The following OTOGL variants were observed in gnomAD, a reference collection of about 807,000 sequenced individuals.
OTOGL encodes otogelin-like protein.
OTOGL carries 285 observed loss-of-function variants against 318.5 expected under a neutral mutation model. The ratio of observed to expected loss-of-function variants is 0.89; its 90% CI spans 0.81 to 0.99. The LOEUF (loss-of-function observed/expected upper bound fraction) is 0.99, where lower values mean the gene tolerates loss of function less well. Ranked by LOEUF, OTOGL falls within the 50% of genes least tolerant of loss-of-function variation. The pLI, the probability that OTOGL is intolerant of heterozygous loss-of-function variation, is 0.00. For synonymous variants in OTOGL, 987 were observed against 936.5 expected, an observed-to-expected ratio of 1.05 and a Z score of -0.99; for missense variants, 2,899 against 2,845.6, an observed-to-expected ratio of 1.02 and a Z score of -0.43.
chr12:80,184,453 A>C (rs1875145654), intron 1 of OTOGL, among the ~76,000 whole-genome samples: 1 of 152,190 alleles, frequency 6.6e-6, no homozygotes, highest in South Asian at 2.1e-4. Context: ...CATACTGAGA[A>C]GGTTTTACGT....
chr12:80,256,858 G>A (rs1369969974), intron 17 of OTOGL, among the ~76,000 whole-genome samples: 2 of 152,088 alleles, frequency 1.3e-5, no homozygotes, highest in Non-Finnish European at 2.9e-5. Flanking sequence ...GTCTCATTGA[G>A]CATTTAAGGA....
chr12:80,362,551 T>A (rs1890300145), intron 52 of OTOGL, among the ~76,000 whole-genome samples: 1 of 152,188 alleles, frequency 6.6e-6, no homozygotes, highest in Admixed American at 6.5e-5. Flanking sequence ...TTGCATTGAA[T>A]CTGTAGAGCA....
At chr12:80,335,613 T>C (rs189784778) in intron 38 of OTOGL, among the ~76,000 whole-genome samples, 1 of 152,242 alleles carries the variant, frequency 6.6e-6, no homozygotes, top group African/African-American at 2.4e-5. Flanking sequence ...TGAAGTTATA[T>C]TGATATACTA....
intron 15 of OTOGL, 96 bp downstream of exon 15, chr12:80,254,666 C>T (rs1484800396): frequency 1.0e-6 from 1 of 965,836 alleles, no homozygotes; most frequent in Non-Finnish European, 1.5e-6. Context: ...CTCATATATA[C>T]CAAGGGCTAC....
intron 30 of OTOGL, among the ~76,000 whole-genome samples, chr12:80,311,702 C>T (rs779147073): frequency 6.6e-5 from 10 of 152,102 alleles, no homozygotes; most frequent in South Asian, 2.1e-4. Context: ...CCACTGCGCC[C>T]GGCAGATATT....
Position 80,106,555 on chromosome 12 carries a change from C to T in OTOGL, c.-20+6950C>T, listed in dbSNP as rs114707257. On this transcript the variant is annotated intron_variant, in intron 1 of 58. Coordinates refer to ENST00000547103, the MANE Select transcript of OTOGL (RefSeq NM_001378609.3). ...AACTGATTATTAGATTTTCAGGCAA[C>T]TGGCACATATTATAACAGGAGTTGA... is the stretch of plus-strand genomic sequence containing the variant. Among the ~76,000 whole-genome samples the T allele has an allele frequency of 6.8e-3, 1,032 of 152,242 alleles. 19 individuals are homozygous for T. The highest frequency in any genetic ancestry group is 0.024 in the African/African-American group (992 of 41,522).
chr12:80,146,636 T>C (rs367761813), intron 1 of OTOGL, among the ~76,000 whole-genome samples: 3 of 151,948 alleles, frequency 2.0e-5, no homozygotes, highest in South Asian at 2.1e-4. Context: ...AGGAATGGTA[T>C]CAGTTCCTCC....
chr12:80,269,121 C>T (rs1883218761), intron 22 of OTOGL, among the ~76,000 whole-genome samples: 1 of 152,036 alleles, frequency 6.6e-6, no homozygotes, highest in South Asian at 2.1e-4. Flanking sequence ...AGTGGTGAAT[C>T]ACACCTCTGA....
At chr12:80,253,328 TC>T (rs1881738209) in intron 13 of OTOGL, 137 bp from the exon 14 acceptor site, 1 of 715,716 alleles carries the variant, frequency 1.4e-6, no homozygotes. Context: ...TTGTCAGTAA[TC>T]CCACTGAAAG....
At chr12:80,266,259 G>T (rs1447470887) in intron 20 of OTOGL, among the ~76,000 whole-genome samples, 192 bp from the exon 21 acceptor site, 4 of 152,158 alleles carry the variant, frequency 2.6e-5, no homozygotes, top group Admixed American at 2.6e-4. Flanking sequence ...TGCAGAAAAA[G>T]GTTTCCAACC....
Position 80,123,133 on chromosome 12 carries a change from A to G in OTOGL, c.-20+23528A>G, listed in dbSNP as rs1399638849. 2.0e-5 allele frequency among the ~76,000 whole-genome samples: 3 copies of G among 152,000 alleles called. No individual in the cohort carries two copies. The East Asian group carries it at 5.8e-4, about 29-fold the overall frequency. ...TGTGCCATGCTGGTGTGCTGCACCC[A>G]ATAACTCATCATTTAACATTAGGTA... On this transcript the variant is annotated intron_variant, in intron 1 of 58. Transcript: ENST00000547103.
rs796256373 is a variant in OTOGL, at chr12:80,108,936, G to A, written c.-20+9331G>A. On this transcript the variant is annotated intron_variant, in intron 1 of 58. Transcript: ENST00000547103. The stretch of plus-strand genomic sequence containing the variant: ...TATATGTGTATATATATATGTGTGT[G>A]TATATATATATATATATACACACAC... 1.2e-3 allele frequency among the ~76,000 whole-genome samples: 156 copies of A among 128,212 alleles called. 4 individuals are homozygous for A. The highest frequency in any genetic ancestry group is 4.0e-3 in the Middle Eastern group (1 of 248). The allele number at this position is 128,212 out of a possible 152,430, so 84.1% of individuals were successfully genotyped here.
chr12:80,203,941 C>T (rs910319449), intron 1 of OTOGL, among the ~76,000 whole-genome samples: 2 of 152,186 alleles, frequency 1.3e-5, no homozygotes, highest in African/African-American at 2.4e-5. Flanking sequence ...GTTTAAGAAT[C>T]ACCTCTGCAT....
chr12:80,363,178 T>C (rs1362104589), intron 52 of OTOGL, among the ~76,000 whole-genome samples: 1 of 152,178 alleles, frequency 6.6e-6, no homozygotes, highest in Non-Finnish European at 1.5e-5. Flanking sequence ...ATTATTTTCA[T>C]TTATTTCTTC....
At chr12:80,364,995 C>CA (rs1021669148) in intron 52 of OTOGL, among the ~76,000 whole-genome samples, 10 of 152,030 alleles carry the variant, frequency 6.6e-5, no homozygotes, top group African/African-American at 7.2e-5. Context: ...ACTAAAAAGA[C>CA]AAAAAATAAC....
At chr12:80,228,394 A>G (rs376868825) in intron 7 of OTOGL, among the ~76,000 whole-genome samples, 1 of 152,174 alleles carries the variant, frequency 6.6e-6, no homozygotes, top group East Asian at 1.9e-4. Context: ...GGGAGCTGCA[A>G]TCACACCACT....
chr12:80,358,364 A>G lies in OTOGL; in HGVS notation c.6121+15A>G, dbSNP rs780994494. Reference sequence around the variant, plus strand: ...GTATTACTGTGGTAAGTGTATATTAACTATTCTAAAATATTTAGATGTGTC... The same window carrying G: ...GTATTACTGTGGTAAGTGTATATTAGCTATTCTAAAATATTTAGATGTGTC... On this transcript the variant is annotated intron_variant, in intron 50 of 58. Coordinates refer to ENST00000547103, the MANE Select transcript of OTOGL (RefSeq NM_001378609.3). 3.2e-6 allele frequency: 5 copies of G among 1,539,276 alleles called. No individual in the cohort carries two copies. The Admixed American group carries it at 5.3e-5, about 16-fold the overall frequency.
intron 1 of OTOGL, among the ~76,000 whole-genome samples, chr12:80,162,374 A>G (rs1873570711): frequency 6.6e-6 from 1 of 152,104 alleles, no homozygotes; most frequent in Non-Finnish European, 1.5e-5. Flanking sequence ...GTTCCTTTTT[A>G]TTAAGTGGGT....
intron 1 of OTOGL, among the ~76,000 whole-genome samples, chr12:80,159,176 T>C (rs1173061919): frequency 6.6e-6 from 1 of 152,206 alleles, no homozygotes; most frequent in Non-Finnish European, 1.5e-5. Flanking sequence ...AACCCTAGTA[T>C]GAAACTCACT....
Sources: gnomAD v4.1 joint callset for allele counts (sites outside exome capture counted in the v4.1 genomes callset) on GRCh38, gnomAD v4.1.1 for gene constraint, MANE v1.5 for transcripts, NCBI Gene and HGNC (gene_info 2026-07-23, HGNC 2026-07-21) for gene names.